The following SV2C variants were observed in gnomAD, a reference collection of about 807,000 sequenced individuals.
SV2C encodes the protein synaptic vesicle glycoprotein 2C, also known as solute carrier family 22 member B3.
SV2C carries 49 observed loss-of-function variants against 79.7 expected under a neutral mutation model. The ratio of observed to expected loss-of-function variants is 0.61; its 90% confidence interval spans 0.49 to 0.78. The LOEUF (loss-of-function observed/expected upper bound fraction) is 0.78, where lower values mean the gene tolerates loss of function less well. SV2C is among the 30% of genes least tolerant of loss of function. The probability of loss-of-function intolerance (pLI) is 0.00; values close to 1 mark genes in which losing one functional copy is unlikely to be tolerated. For synonymous variants in SV2C, 334 were observed against 333.2 expected (o/e 1.00, Z -0.03); for missense variants, 833 against 912.9 (o/e 0.91, Z 1.13).
chr5:76,068,024 T>C, the SV2C span, among the ~76,000 whole-genome samples: 1 of 152,152 alleles, frequency 6.6e-6, no homozygotes, highest in Non-Finnish European at 1.5e-5. Flanking sequence ...CTTCTACTTT[T>C]TTCTTATTCT....
intron 9 of SV2C, among the ~76,000 whole-genome samples, chr5:76,298,565 T>C (rs1195386336): frequency 6.6e-6 from 1 of 152,144 alleles, no homozygotes; most frequent in East Asian, 1.9e-4. Flanking sequence ...AGGAGTGTCA[T>C]CTCTTTTCCT....
intron 4 of SV2C, among the ~76,000 whole-genome samples, chr5:76,244,678 T>C (rs1289418570): frequency 6.6e-6 from 1 of 152,310 alleles, no homozygotes. Context: ...ATATTTAGAG[T>C]CCATAAAGTT....
intron 4 of SV2C, 136 bp downstream of exon 4, chr5:76,210,023 A>G (rs914317778): frequency 3.6e-6 from 4 of 1,113,154 alleles, no homozygotes; most frequent in South Asian, 1.6e-5. Context: ...CATAGTGTCC[A>G]GGAGTTTTTC....
At chr5:75,896,332 C>T in the SV2C span, among the ~76,000 whole-genome samples, 27 of 151,206 alleles carry the variant, frequency 1.8e-4, no homozygotes, top group South Asian at 8.4e-4. Flanking sequence ...TTTGTTCTTG[C>T]GATAGTTTAC....
At chr5:75,968,185 C>G in the SV2C span, among the ~76,000 whole-genome samples, 1 of 152,104 alleles carries the variant, frequency 6.6e-6, no homozygotes, top group Admixed American at 6.5e-5. Context: ...TCACCATCAT[C>G]AAAGACCAAA....
chr5:76,293,651 C>T (rs1004683129), intron 8 of SV2C, among the ~76,000 whole-genome samples: 4 of 152,142 alleles, frequency 2.6e-5, no homozygotes, highest in Non-Finnish European at 4.4e-5. Context: ...AATAACTACC[C>T]TCACACCCCC....
chr5:76,082,634 A>T (rs1185495499), upstream of SV2C, among the ~76,000 whole-genome samples: 2 of 111,210 alleles, frequency 1.8e-5, no homozygotes, highest in Non-Finnish European at 3.7e-5. Context: ...CTCTCTCTCC[A>T]CCCCCCCCCC....
At chr5:76,087,733 C>T (rs1747246718) in intron 1 of SV2C, among the ~76,000 whole-genome samples, 1 of 152,158 alleles carries the variant, frequency 6.6e-6, no homozygotes, top group South Asian at 2.1e-4. Context: ...AGCAAGAACC[C>T]AGCATGCATG....
chr5:75,930,746 C>G, the SV2C span, among the ~76,000 whole-genome samples: 1 of 152,174 alleles, frequency 6.6e-6, no homozygotes, highest in Admixed American at 6.5e-5. Flanking sequence ...TGAATAAAAT[C>G]TATATTCAAA....
the SV2C span, among the ~76,000 whole-genome samples, chr5:75,978,431 A>G: frequency 6.6e-6 from 1 of 152,164 alleles, no homozygotes; most frequent in South Asian, 2.1e-4. Flanking sequence ...TATCTTCTGT[A>G]GTCTAATCAC....
At chr5:76,030,289 T>TTTTTTTTTTTTTATTTTTTTA in the SV2C span, among the ~76,000 whole-genome samples, 1 of 117,874 alleles carries the variant, frequency 8.5e-6, no homozygotes, top group African/African-American at 3.9e-5. Flanking sequence ...TTTTTTTTTT[T>TTTTTTTTTTTTTATTTTTTTA]TTTATTTATT....
chr5:76,291,992 T>G (rs1747582617), intron 8 of SV2C, 136 bp downstream of exon 8: 2 of 624,028 alleles, frequency 3.2e-6, no homozygotes. Flanking sequence ...AGCTTAGGTT[T>G]GCTGAGAGTT....
chr5:76,259,490 G>C (rs1364488941), intron 4 of SV2C, among the ~76,000 whole-genome samples: 7 of 152,100 alleles, frequency 4.6e-5, no homozygotes, highest in African/African-American at 1.7e-4. Context: ...ATGCAGGTTT[G>C]TTACATAGGT....
chr5:76,140,260 C>A (rs1443914505), intron 2 of SV2C, among the ~76,000 whole-genome samples: 2 of 152,142 alleles, frequency 1.3e-5, no homozygotes, highest in Non-Finnish European at 2.9e-5. Flanking sequence ...ATGTTTTCAG[C>A]TTCTCTTTCT....
chr5:76,246,323 A>G (rs1745947491), intron 4 of SV2C, among the ~76,000 whole-genome samples: 1 of 152,202 alleles, frequency 6.6e-6, no homozygotes, highest in Non-Finnish European at 1.5e-5. Context: ...AAAAGTTCTC[A>G]GTATTTATCT....
the SV2C span, among the ~76,000 whole-genome samples, chr5:75,999,054 G>A: frequency 1.3e-5 from 2 of 152,136 alleles, no homozygotes; most frequent in Non-Finnish European, 1.5e-5. Flanking sequence ...ATGGTTAGTG[G>A]CAGGCAAAAA....
chr5:76,051,266 G>A, the SV2C span, among the ~76,000 whole-genome samples: 1 of 152,096 alleles, frequency 6.6e-6, no homozygotes, highest in South Asian at 2.1e-4. Flanking sequence ...GAAGATTCTT[G>A]GATTAATGTG....
chr5:76,246,259 G>A (rs1352227307), intron 4 of SV2C, among the ~76,000 whole-genome samples: 1 of 152,118 alleles, frequency 6.6e-6, no homozygotes, highest in East Asian at 1.9e-4. Flanking sequence ...AGGCCTGTGG[G>A]TCTGCGGTTA....
chr5:76,027,308 C>T, the SV2C span, among the ~76,000 whole-genome samples: 1 of 151,946 alleles, frequency 6.6e-6, no homozygotes, highest in Non-Finnish European at 1.5e-5. Context: ...GTGATCCACC[C>T]GCCTCAGCCT....
Sources: allele counts gnomAD v4.1 joint callset (sites outside exome capture counted in the v4.1 genomes callset), GRCh38; gene constraint gnomAD v4.1.1; transcripts MANE v1.5; gene names NCBI Gene and HGNC (gene_info 2026-07-23, HGNC 2026-07-21).